Variants in SNX27 observed in about 807,000 individuals in gnomAD.
SNX27 encodes the protein sorting nexin 27.
SNX27 carries 22 observed loss-of-function variants against 71.6 expected under a neutral mutation model. The observed-to-expected ratio is 0.31, with a 90% CI of 0.22 to 0.44. The LOEUF is 0.44. Among genes scored for constraint, SNX27 ranks in the 20% least tolerant of loss-of-function variants. The probability of loss-of-function intolerance (pLI) is 1.00; values close to 1 mark genes in which losing one functional copy is unlikely to be tolerated. For synonymous variants in SNX27, 269 were observed against 277.2 expected (o/e 0.97, Z 0.29); for missense variants, 531 against 698.6 (o/e 0.76, Z 2.70).
chr1:151,616,510 A>G (rs934037996), intron 1 of SNX27, among the ~76,000 whole-genome samples: 1 of 152,234 alleles, frequency 6.6e-6, no homozygotes, highest in Non-Finnish European at 1.5e-5. Context: ...ATAAGATAAA[A>G]TAAAACTGTG....
intron 2 of SNX27, among the ~76,000 whole-genome samples, chr1:151,655,076 GATTTTGTTAC>G: frequency 6.6e-6 from 1 of 152,074 alleles, no homozygotes; most frequent in East Asian, 1.9e-4. Context: ...TTGGGTGCTA[GATTTTGTTAC>G]ATTTCTTTAA....
intron 8 of SNX27, among the ~76,000 whole-genome samples, chr1:151,691,307 T>TC (rs1166525429): frequency 2.0e-5 from 3 of 151,732 alleles, no homozygotes; most frequent in African/African-American, 7.3e-5. Flanking sequence ...AAATATTTAC[T>TC]CCCTTTCTTA....
intron 5 of SNX27, among the ~76,000 whole-genome samples, chr1:151,664,471 G>A (rs1670105412): frequency 6.6e-6 from 1 of 151,782 alleles, no homozygotes; most frequent in African/African-American, 2.4e-5. Context: ...TAGATATCTA[G>A]AATAGGACAT....
chr1:151,692,497 T>G lies in SNX27; in HGVS notation c.1302T>G (p.Cys434Trp). Residue 434 changes from cysteine (C) to tryptophan (W), a missense_variant, in exon 9 of 12, where the codon TGT becomes TGG. Physicochemically the swap from Cys to Trp is radical, Grantham distance 215 (BLOSUM62 -2). Coordinates refer to ENST00000458013, the MANE Select transcript of SNX27 (RefSeq NM_001330723.2). ...YNEIIFPHCA[C>W]DSRRKGHVIT... ...AAATCATCTTTCCCCACTGTGCCTG[T>G]GACTCCAGGAGGAAGGGGCACGTTA... 1 of 1,599,158 alleles carries G rather than the reference T, an allele frequency of 6.3e-7. No individual in the cohort carries two copies. Among genetic ancestry groups the G allele is most frequent in the Non-Finnish European group, 8.5e-7 (1 of 1,172,886 alleles).
chr1:151,623,061 C>G (rs1344453067), intron 1 of SNX27, among the ~76,000 whole-genome samples: 1 of 151,166 alleles, frequency 6.6e-6, no homozygotes, highest in Non-Finnish European at 1.5e-5. Context: ...CAACCTCCCC[C>G]TCCCAGGTCC....
At chr1:151,651,390 C>A (rs1400681093) in intron 2 of SNX27, among the ~76,000 whole-genome samples, 1 of 150,114 alleles carries the variant, frequency 6.7e-6, no homozygotes, top group East Asian at 2.0e-4. Context: ...TGACCCCCCC[C>A]ACCTCCCTCC....
chr1:151,644,588 C>T lies in SNX27; in HGVS notation c.543+5469C>T, dbSNP rs184471455. On this transcript the variant is annotated intron_variant, in intron 2 of 11. Coordinates refer to ENST00000458013, the MANE Select transcript of SNX27 (RefSeq NM_001330723.2). ...ATGCTGTTATGAGCATTTGTGTACA[C>T]GTTTTTGTGTAGATATGTGTTTTCA... Among the ~76,000 whole-genome samples, 105 of 152,076 alleles carry T rather than the reference C, an allele frequency of 6.9e-4. 1 individual carries two copies. The highest frequency in any genetic ancestry group is 2.4e-3 in the African/African-American group (101 of 41,478).
intron 2 of SNX27, among the ~76,000 whole-genome samples, chr1:151,649,625 T>C (rs1669231513): frequency 6.6e-6 from 1 of 152,178 alleles, no homozygotes; most frequent in Non-Finnish European, 1.5e-5. Flanking sequence ...TTTCATAGTT[T>C]CTGATGAGAA....
At chr1:151,624,678 T>G (rs1289136119) in intron 1 of SNX27, among the ~76,000 whole-genome samples, 1 of 151,684 alleles carries the variant, frequency 6.6e-6, no homozygotes, top group Non-Finnish European at 1.5e-5. Context: ...GTGATACACC[T>G]ACCTCGGCCT....
intron 4 of SNX27, 45 bp from the exon 5 acceptor site, chr1:151,662,121 A>T (rs1291163432): frequency 7.4e-7 from 1 of 1,357,588 alleles, no homozygotes; most frequent in African/African-American, 1.4e-5. Context: ...GGGAGAGTGA[A>T]GATATACTGG....
rs148479825 is a variant in SNX27, at chr1:151,640,326, A to G, written c.543+1207A>G. 1.9e-3 allele frequency among the ~76,000 whole-genome samples: 294 copies of G among 152,284 alleles called. 2 individuals are homozygous for G. Among genetic ancestry groups the G allele is most frequent in the African/African-American group, 6.6e-3 (275 of 41,562 alleles). On this transcript the variant is annotated intron_variant, in intron 2 of 11. Transcript: ENST00000458013. The stretch of plus-strand genomic sequence containing the variant: ...TTTGGGAATTACCTAAAACCTTGGA[A>G]ACCTGAGAAAAGGAATAATACTACC...
intron 8 of SNX27, among the ~76,000 whole-genome samples, chr1:151,687,667 G>A (rs997101164): frequency 6.6e-6 from 1 of 152,082 alleles, no homozygotes; most frequent in South Asian, 2.1e-4. Flanking sequence ...AAAAACTGTC[G>A]GCCTGGCGCG....
chr1:151,619,909 T>C (rs1407907897), intron 1 of SNX27, among the ~76,000 whole-genome samples: 1 of 152,182 alleles, frequency 6.6e-6, no homozygotes, highest in Non-Finnish European at 1.5e-5. Flanking sequence ...ATTTGCTGTG[T>C]GTAAAGCTAA....
intron 1 of SNX27, among the ~76,000 whole-genome samples, chr1:151,621,888 T>C (rs1667692947): frequency 6.6e-6 from 1 of 152,226 alleles, no homozygotes; most frequent in Admixed American, 6.5e-5. Context: ...TTCCTGCCTC[T>C]GTCTTTACTT....
chr1:151,638,840 T>C lies in SNX27; in HGVS notation c.312-48T>C, dbSNP rs765006139. 6.4e-6 allele frequency: 10 copies of C among 1,574,562 alleles called. 1 individual carries two copies. In the South Asian group the frequency reaches 1.0e-4, roughly 16 times the overall value. On this transcript the variant is annotated intron_variant, in intron 1 of 11. Transcript: ENST00000458013. ...CAGGAGGGTGGAGATACAAGGTGTT[T>C]GGACCCTTCTGGTTTATGGGATTGT... is the stretch of plus-strand genomic sequence containing the variant.
intron 7 of SNX27, chr1:151,680,580 C>G (rs934084858): frequency 3.3e-5 from 5 of 152,154 alleles, no homozygotes; most frequent in Non-Finnish European, 7.3e-5. Flanking sequence ...AAGTGTTCAT[C>G]AAATATTAGT....
chr1:151,667,492 GA>G (rs1558063615), intron 6 of SNX27, among the ~76,000 whole-genome samples: 3 of 152,224 alleles, frequency 2.0e-5, no homozygotes, highest in South Asian at 4.1e-4. Flanking sequence ...GAGAGACTCT[GA>G]ATGTACCATA....
intron 7 of SNX27, 107 bp downstream of exon 7, chr1:151,668,742 G>C (rs1670326823): frequency 2.2e-6 from 2 of 908,274 alleles, no homozygotes; most frequent in Non-Finnish European, 3.2e-6. Flanking sequence ...TTTGCTCCTG[G>C]GTCTGAATTA....
intron 1 of SNX27, among the ~76,000 whole-genome samples, chr1:151,626,574 C>T (rs796601380): frequency 3.3e-5 from 5 of 152,014 alleles, no homozygotes; most frequent in Admixed American, 3.3e-4. Context: ...TGGTGGCGTG[C>T]CCCTGTAGTC....
Sources: allele counts gnomAD v4.1 joint callset (sites outside exome capture counted in the v4.1 genomes callset), GRCh38; gene constraint gnomAD v4.1.1; transcripts MANE v1.5; gene names NCBI Gene and HGNC (gene_info 2026-07-23, HGNC 2026-07-21).